Variants in CHRNB3 observed in about 807,000 individuals in gnomAD.
CHRNB3 encodes the protein cholinergic receptor nicotinic beta 3 subunit.
A neutral mutation model predicts 40.6 loss-of-function variants in CHRNB3; 37 were observed. The ratio of observed to expected loss-of-function variants is 0.91; its 90% CI spans 0.70 to 1.20. The LOEUF (loss-of-function observed/expected upper bound fraction) is 1.20. Ranked by LOEUF, CHRNB3 falls within the 50% of genes most tolerant of loss-of-function variation. The pLI, the probability that CHRNB3 is intolerant of heterozygous loss-of-function variation, is 0.00. For missense variants in CHRNB3, 505 were observed against 551.2 expected (o/e 0.92, Z 0.84); for synonymous variants, 207 against 207.1 (o/e 1.00, Z 0.00).
chr8:42,708,655 G>C (rs1461232486), intron 1 of CHRNB3, 62 bp from the exon 2 acceptor site: 17 of 1,564,916 alleles, frequency 1.1e-5, no homozygotes, highest in Middle Eastern at 1.7e-4. Flanking sequence ...GGAGCCATGG[G>C]ACACTCATCC....
At chr8:42,717,325 GATCCCGCCACTGC>G (rs1816128011) in intron 3 of CHRNB3, among the ~76,000 whole-genome samples, 1 of 106,696 alleles carries the variant, frequency 9.4e-6, no homozygotes, top group Admixed American at 1.1e-4. Context: ...AGTGAGCCGA[GATCCCGCCACTGC>G]ACTCCAGCCT....
chr8:42,700,162 C>T (rs539223432), intron 1 of CHRNB3, among the ~76,000 whole-genome samples: 9 of 152,052 alleles, frequency 5.9e-5, no homozygotes, highest in African/African-American at 1.7e-4. Flanking sequence ...TACAGGTGCC[C>T]ACCACCACGC....
intron 3 of CHRNB3, among the ~76,000 whole-genome samples, chr8:42,715,197 C>A (rs937103405): frequency 6.6e-6 from 1 of 152,076 alleles, no homozygotes; most frequent in African/African-American, 2.4e-5. Context: ...AAAGAAAGTA[C>A]ATATAAACCA....
intron 3 of CHRNB3, among the ~76,000 whole-genome samples, chr8:42,713,167 A>T (rs1398007433): frequency 3.3e-5 from 5 of 152,014 alleles, no homozygotes; most frequent in African/African-American, 1.2e-4. Context: ...CTCTCACATA[A>T]AGCAGGGGTC....
chr8:42,734,259 CAAAAAAAAAA>C (rs769371275), intron 5 of CHRNB3, among the ~76,000 whole-genome samples: 1 of 23,970 alleles, frequency 4.2e-5, no homozygotes, highest in African/African-American at 1.2e-4. Flanking sequence ...GACTCCATCT[CAAAAAAAAAA>C]AAAAAAAAAA....
intron 3 of CHRNB3, among the ~76,000 whole-genome samples, chr8:42,716,065 G>A (rs1442154138): frequency 7.2e-6 from 1 of 139,662 alleles, no homozygotes; most frequent in African/African-American, 2.6e-5. Flanking sequence ...TGCAACCTCC[G>A]CTTCCTGGGT....
chr8:42,710,240 C>T (rs533641355), intron 2 of CHRNB3, 150 bp from the exon 3 acceptor site: 2 of 634,282 alleles, frequency 3.2e-6, no homozygotes, highest in Admixed American at 3.0e-5. Context: ...ATGGCTTGAG[C>T]CCCGGAGGTT....
intron 1 of CHRNB3, among the ~76,000 whole-genome samples, chr8:42,700,609 C>G (rs1815775067): frequency 6.6e-6 from 1 of 152,126 alleles, no homozygotes; most frequent in Non-Finnish European, 1.5e-5. Context: ...CATGAGCCAC[C>G]ATGCCCGGCC....
intron 3 of CHRNB3, among the ~76,000 whole-genome samples, chr8:42,728,909 ATC>A (rs1171725046): frequency 6.6e-6 from 1 of 152,148 alleles, no homozygotes; most frequent in African/African-American, 2.4e-5. Context: ...TCCCTCCAAG[ATC>A]TCTGAGACTC....
intron 5 of CHRNB3, among the ~76,000 whole-genome samples, chr8:42,735,238 C>A (rs576253031): frequency 1.4e-4 from 20 of 147,592 alleles, no homozygotes; most frequent in Admixed American, 2.0e-4. Flanking sequence ...AACAAACAAA[C>A]AAAAAAACAC....
chr8:42,699,848 G>T (rs1426846055), intron 1 of CHRNB3, among the ~76,000 whole-genome samples: 1 of 150,214 alleles, frequency 6.7e-6, no homozygotes, highest in Non-Finnish European at 1.5e-5. Flanking sequence ...CTAGCTCCAT[G>T]GGTGACGGAA....
intron 3 of CHRNB3, among the ~76,000 whole-genome samples, chr8:42,722,173 A>G (rs1304272081): frequency 1.3e-5 from 2 of 152,054 alleles, no homozygotes. Context: ...CAGGAATTCG[A>G]GACCAGCCTG....
chr8:42,701,226 C>CAAATAAAAAA (rs1815790438), intron 1 of CHRNB3, among the ~76,000 whole-genome samples: 1 of 71,460 alleles, frequency 1.4e-5, no homozygotes, highest in Non-Finnish European at 2.7e-5. Context: ...GACTCTGTCT[C>CAAATAAAAAA]AAAAAAAAAA....
Position 42,732,683 on chromosome 8 carries a change from A to T in CHRNB3, c.1242+134A>T. Reference sequence around the variant, plus strand: ...ATAAGACATGCTTTTTATACATATAACATTTAAAGCAAGCCCTGACATAAC... The same window carrying T: ...ATAAGACATGCTTTTTATACATATATCATTTAAAGCAAGCCCTGACATAAC... On this transcript the variant is annotated intron_variant, in intron 5 of 5. Transcript: ENST00000289957. 8 of 848,236 alleles carry T rather than the reference A, an allele frequency of 9.4e-6. No homozygotes were observed. In the South Asian group the frequency reaches 1.9e-4, roughly 21 times the overall value. 52.5% of individuals were successfully genotyped at this position (848,236 alleles called of 1,614,324 possible).
chr8:42,727,741 T>C (rs1027047927), intron 3 of CHRNB3, among the ~76,000 whole-genome samples: 1 of 152,082 alleles, frequency 6.6e-6, no homozygotes, highest in Non-Finnish European at 1.5e-5. Context: ...TGTGCACCTG[T>C]AGTCTCAGCT....
At chr8:42,725,569 T>C (rs999968161) in intron 3 of CHRNB3, 10 of 940,468 alleles carry the variant, frequency 1.1e-5, no homozygotes, top group Middle Eastern at 3.1e-4. Context: ...GATGAGCTGA[T>C]TGATGCATTC....
chr8:42,713,140 C>T lies in CHRNB3; in HGVS notation c.249+2706C>T, dbSNP rs574340835. 2.6e-5 allele frequency among the ~76,000 whole-genome samples: 4 copies of T among 152,048 alleles called. No homozygotes were observed. In the East Asian group the frequency reaches 5.8e-4, roughly 22 times the overall value. ...ACAGGCATGAGCCACTTTGCCTGGC[C>T]GAGATTAAGCTCTAATCTCTCACAT... On this transcript the variant is annotated intron_variant, in intron 3 of 5. Coordinates refer to ENST00000289957, the MANE Select transcript of CHRNB3 (RefSeq NM_000749.5).
At chr8:42,703,684 G>A (rs1221876565) in intron 1 of CHRNB3, among the ~76,000 whole-genome samples, 1 of 151,996 alleles carries the variant, frequency 6.6e-6, no homozygotes, top group Non-Finnish European at 1.5e-5. Flanking sequence ...CGGGAGCAGT[G>A]AGCCATGCTG....
At chr8:42,708,950 T>A in intron 2 of CHRNB3, 82 bp downstream of exon 2, 2 of 1,319,578 alleles carry the variant, frequency 1.5e-6, no homozygotes, top group Non-Finnish European at 2.0e-6. Context: ...TTTTTCCCTA[T>A]GTCTGCCATT....
Sources: allele counts gnomAD v4.1 joint callset (sites outside exome capture counted in the v4.1 genomes callset), GRCh38; gene constraint gnomAD v4.1.1; transcripts MANE v1.5; gene names NCBI Gene and HGNC (gene_info 2026-07-23, HGNC 2026-07-21).